The following CTSZ variants were observed in gnomAD, a reference collection of about 807,000 sequenced individuals.
CTSZ encodes the protein carboxypeptidase LB.
A neutral mutation model predicts 32.4 loss-of-function variants in CTSZ; 39 were observed. The ratio of observed to expected loss-of-function variants is 1.20; its 90% CI spans 0.93 to 1.57. CTSZ has a LOEUF of 1.57. Ranked by LOEUF, CTSZ falls within the 40% of genes most tolerant of loss-of-function variation. The pLI is 0.00. For missense variants in CTSZ, 397 were observed against 419.6 expected, an observed-to-expected ratio of 0.95 and a Z score of 0.47; for synonymous variants, 168 against 170.1, an observed-to-expected ratio of 0.99 and a Z score of 0.10.
At chr20:59,005,472 C>T (rs990750733) in intron 2 of CTSZ, among the ~76,000 whole-genome samples, 8 of 152,218 alleles carry the variant, frequency 5.3e-5, no homozygotes, top group Admixed American at 2.0e-4. Context: ...ATGGAGCACA[C>T]GCAAACGCAT....
intron 4 of CTSZ, chr20:58,997,341 A>G: frequency 6.1e-6 from 2 of 330,028 alleles, no homozygotes; most frequent in Non-Finnish European, 1.1e-5. Flanking sequence ...AACCATCCAT[A>G]GGGGCAGACT....
chr20:58,996,507 G>A, intron 5 of CTSZ, 132 bp downstream of exon 5: 1 of 957,712 alleles, frequency 1.0e-6, no homozygotes, highest in East Asian at 2.4e-5. Context: ...CGCGGTGGCT[G>A]AGACAGCTGG....
intron 1 of CTSZ, among the ~76,000 whole-genome samples, 175 bp from the exon 2 acceptor site, chr20:59,006,660 G>A (rs892403870): frequency 1.3e-4 from 20 of 152,208 alleles, no homozygotes; most frequent in African/African-American, 4.3e-4. Context: ...AGGCTCCAGC[G>A]CTCTCAGAAT....
At position 59,007,158 on chromosome 20, in the gene CTSZ, C is replaced by T; in HGVS notation, c.-30G>A. 5 of 1,320,126 alleles carry T rather than the reference C, an allele frequency of 3.8e-6. No homozygotes were observed. In the South Asian group the frequency reaches 6.3e-5, roughly 17 times the overall value. 81.8% of individuals were successfully genotyped at this position (1,320,126 alleles called of 1,614,324 possible). Reference sequence around the variant, plus strand: ...CCGCGCCGGCTCCTGGGTCCCGCTCCGGATCCCGCTCCGAGTCCCAGATCC... The same window carrying T: ...CCGCGCCGGCTCCTGGGTCCCGCTCTGGATCCCGCTCCGAGTCCCAGATCC... On this transcript the variant is annotated 5_prime_UTR_variant, in exon 1 of 6. Transcript: ENST00000217131.
At chr20:59,003,709 G>C (rs2091898521) in intron 2 of CTSZ, among the ~76,000 whole-genome samples, 1 of 152,140 alleles carries the variant, frequency 6.6e-6, no homozygotes, top group South Asian at 2.1e-4. Flanking sequence ...GGGAGGGAGG[G>C]AGCCATGGGA....
In CTSZ at chr20:58,997,613, C is replaced by A; in HGVS notation, c.628G>T (p.Gly210Cys). The stretch of plus-strand genomic sequence containing the variant: ...GGGACCTCTCCTCACCTGATGGGAC[C>A]ATTTGCATAGATTTCTGCCATCATC... The part of the protein sequence containing the change: ...EKMMAEIYAN[G>C]PISCGIMATE... Residue 210 changes from glycine (G) to cysteine (C), a missense_variant, in exon 4 of 6, where the codon GGT becomes TGT. Transcript: ENST00000217131. The A allele has an allele frequency of 6.3e-7, 1 of 1,596,594 alleles. No homozygotes were observed. Among genetic ancestry groups the A allele is most frequent in the Non-Finnish European group, 8.5e-7 (1 of 1,170,904 alleles).
intron 5 of CTSZ, 52 bp from the exon 6 acceptor site, chr20:58,995,811 CCTTGCTGCCGTCAGCCCCCTGCCCCCTG>C (rs2091856501): frequency 6.5e-7 from 1 of 1,536,510 alleles, no homozygotes; most frequent in Non-Finnish European, 9.0e-7. Flanking sequence ...CTCCCGCTCC[CCTTGCTGCCGTCAGCCCCCTGCCCCCTG>C]CTTTCTGCCT....
At chr20:58,999,660 G>A (rs185406716) in intron 3 of CTSZ, among the ~76,000 whole-genome samples, 261 of 152,348 alleles carry the variant, frequency 1.7e-3, no homozygotes, top group Admixed American at 3.5e-3. Flanking sequence ...TGCACAGGGC[G>A]CTGGGGCCAG....
In CTSZ at chr20:58,995,773, G is replaced by A. The variant is rs1370770128; in HGVS notation, c.802-14C>T. On this transcript the variant is annotated splice_polypyrimidine_tract_variant and intron_variant, in intron 5 of 5. Coordinates refer to ENST00000217131, the MANE Select transcript of CTSZ (RefSeq NM_001336.4). ...GCCTCTCTCGCCCTGTGAGAAGTGGGATCGCGCGTCAGCCCATCTGCAGCC... is the reference window on the plus strand; with the variant it reads ...GCCTCTCTCGCCCTGTGAGAAGTGGAATCGCGCGTCAGCCCATCTGCAGCC... 1 of 1,611,508 alleles carries A rather than the reference G, an allele frequency of 6.2e-7. No individual in the cohort carries two copies. The highest frequency in any genetic ancestry group is 1.7e-5 in the Admixed American group (1 of 60,004).
chr20:59,003,621 C>T (rs751657930), intron 2 of CTSZ, among the ~76,000 whole-genome samples: 15 of 152,088 alleles, frequency 9.9e-5, no homozygotes, highest in African/African-American at 2.9e-4. Flanking sequence ...AAAATAAATC[C>T]GGGAGATAAT....
At position 59,004,508 on chromosome 20, in the gene CTSZ, G is replaced by A. The variant is rs1406816668; in HGVS notation, c.307+1814C>T. 2.0e-5 allele frequency among the ~76,000 whole-genome samples: 3 copies of A among 152,098 alleles called. No homozygotes were observed. The highest frequency in any genetic ancestry group is 7.2e-5 in the African/African-American group (3 of 41,410). On this transcript the variant is annotated intron_variant, in intron 2 of 5. Transcript: ENST00000217131. This position sits in a 1 kb window ranked among gnomAD's most constrained non-coding sequence, Gnocchi z 5.6. ...TGAGGCTGGAGTGGGTTCAAGGGTA[G>A]AGAAGAGGAAGTGGAGGGACTCCAG... is the stretch of plus-strand genomic sequence containing the variant.
chr20:59,001,297 T>G (rs2091887840), intron 3 of CTSZ, among the ~76,000 whole-genome samples, 168 bp downstream of exon 3: 1 of 152,014 alleles, frequency 6.6e-6, no homozygotes, highest in Non-Finnish European at 1.5e-5. Context: ...CCCCTCATGG[T>G]CAAGAGCACC....
Position 58,997,737 on chromosome 20 carries a change from G to C in CTSZ, c.504C>G (p.Asn168Lys). 1 of 1,607,164 alleles carries C rather than the reference G, an allele frequency of 6.2e-7. No individual in the cohort carries two copies. Among genetic ancestry groups the C allele is most frequent in the Non-Finnish European group, 8.5e-7 (1 of 1,176,812 alleles). ...TGAATTCATTGCATGTCCCACATTG[G>C]TTAAACTTGTCACACTCTGGGGGAG... ...QAKDQECDKF[N>K]QCGTCNEFKE... is the part of the protein sequence containing the mutation. Residue 168 changes from asparagine (N) to lysine (K), a missense_variant, in exon 4 of 6, where the codon AAC becomes AAG. Physicochemically the swap from Asn to Lys is moderately conservative, Grantham distance 94. Transcript: ENST00000217131.
At chr20:58,999,931 C>T (rs550107372) in intron 3 of CTSZ, among the ~76,000 whole-genome samples, 131 of 152,278 alleles carry the variant, frequency 8.6e-4, no homozygotes, top group African/African-American at 1.7e-3. Context: ...TAGCCGGGCG[C>T]GGTGGCGGGC....
In CTSZ at chr20:58,995,568, C is replaced by T; in HGVS notation, c.*81G>A. ...AGCCACCCCAGTTCCTGCCAGCCAGCCTGGCACACATAACCATAGGATCCC... is the reference window on the plus strand; with the variant it reads ...AGCCACCCCAGTTCCTGCCAGCCAGTCTGGCACACATAACCATAGGATCCC... On this transcript the variant is annotated 3_prime_UTR_variant, in exon 6 of 6. Transcript: ENST00000217131. The T allele has an allele frequency of 7.6e-7, 1 of 1,315,460 alleles. No homozygotes were observed. The highest frequency in any genetic ancestry group is 1.7e-5 in the Admixed American group (1 of 57,146). 81.5% of individuals were successfully genotyped at this position (1,315,460 alleles called of 1,614,324 possible).
intron 3 of CTSZ, among the ~76,000 whole-genome samples, 164 bp from the exon 4 acceptor site, chr20:58,997,917 T>C (rs57865387): frequency 0.015 from 2,298 of 152,288 alleles, 67 homozygotes; most frequent in African/African-American, 0.053. Flanking sequence ...CGCTCTTCTT[T>C]CAGCTGCCAG....
Position 58,996,559 on chromosome 20 carries a change from G to A in CTSZ, c.801+80C>T, listed in dbSNP as rs763181097. ...TCAAGGCCCCAGTTTTTAGCTAAAC[G>A]TAAACAGAACCATTCAAGCGAGAGG... is the stretch of plus-strand genomic sequence containing the variant. On this transcript the variant is annotated intron_variant, in intron 5 of 5. Coordinates refer to ENST00000217131, the MANE Select transcript of CTSZ (RefSeq NM_001336.4). The A allele has an allele frequency of 9.4e-6, 14 of 1,482,952 alleles. No homozygotes were observed. The Admixed American group carries it at 1.4e-4, about 14-fold the overall frequency. 91.9% of individuals were successfully genotyped at this position (1,482,952 alleles called of 1,614,324 possible). A position where few individuals can be genotyped will look rare whatever the true frequency, so the allele number is the denominator to read the frequency against.
rs1419155546 is a variant in CTSZ, at chr20:59,002,108, G to A, written c.308-464C>T. On this transcript the variant is annotated intron_variant, in intron 2 of 5. Transcript: ENST00000217131. This position sits in a 1 kb window ranked among gnomAD's most constrained non-coding sequence, Gnocchi z 4.1. ...GTGAACGAGTATAGCCCAGGGAGCC[G>A]CATGAGCCCCAGTGAGGGGCCAGAT... 2.6e-5 allele frequency among the ~76,000 whole-genome samples: 4 copies of A among 152,232 alleles called. No homozygotes were observed. Among genetic ancestry groups the A allele is most frequent in the East Asian group, 1.9e-4 (1 of 5,190 alleles).
At chr20:59,001,163 C>T (rs1431737184) in intron 3 of CTSZ, among the ~76,000 whole-genome samples, 1 of 152,218 alleles carries the variant, frequency 6.6e-6, no homozygotes, top group Non-Finnish European at 1.5e-5. Flanking sequence ...CTGCAGCAGG[C>T]TTTTTCGTTG....
Sources: gnomAD v4.1 joint callset for allele counts (sites outside exome capture counted in the v4.1 genomes callset) on GRCh38, gnomAD v4.1.1 for gene constraint, Gnocchi (gnomAD v3.1) non-coding constraint, MANE v1.5 for transcripts, NCBI Gene and HGNC (gene_info 2026-07-23, HGNC 2026-07-21) for gene names.